The following ARHGAP30 variants were observed in gnomAD, a reference collection of about 807,000 sequenced individuals.
The protein encoded by ARHGAP30 is rho GTPase-activating protein 30.
In ARHGAP30, 23 loss-of-function variants were observed where a neutral mutation model predicts 72.0. The observed-to-expected ratio is 0.32, with a 90% confidence interval of 0.23 to 0.45. ARHGAP30 has a LOEUF of 0.45. ARHGAP30 is among the 20% of genes least tolerant of loss of function. The probability of loss-of-function intolerance (pLI) is 1.00; values close to 1 mark genes in which losing one functional copy is unlikely to be tolerated. For missense variants in ARHGAP30, 1,319 were observed against 1,383.4 expected (o/e 0.95, Z 0.74); for synonymous variants, 576 against 528.2 (o/e 1.09, Z -1.24).
In ARHGAP30 at chr1:161,047,621, A is replaced by G; in HGVS notation, c.*94T>C. The G allele has an allele frequency of 7.3e-7, 1 of 1,368,194 alleles. No individual in the cohort carries two copies. The highest frequency in any genetic ancestry group is 9.8e-7 in the Non-Finnish European group (1 of 1,021,036). The allele number at this position is 1,368,194 out of a possible 1,614,324, so 84.8% of individuals were successfully genotyped here. On this transcript the variant is annotated 3_prime_UTR_variant, in exon 12 of 12. Coordinates refer to ENST00000368013, the MANE Select transcript of ARHGAP30 (RefSeq NM_001025598.2). ...GCCAAAGCCTATAGAGTTGGGCACT[A>G]CAGCTGCTCATGCTGCAGAGGAGAC...
Position 161,048,283 on chromosome 1 carries a change from CAG to C in ARHGAP30, c.2736_2737del (p.Cys913PhefsTer42), listed in dbSNP as rs1187195023. ...GCCCACGCCACCCAGGCCAAGAGAA[CAG>C]GGGCATAGACAGCCGTCTGGACTGG... is the stretch of plus-strand genomic sequence containing the variant. On this transcript the variant is annotated frameshift_variant, in exon 12 of 12. Transcript: ENST00000368013. LOFTEE classifies it high-confidence loss of function. 6.8e-6 allele frequency: 11 copies of C among 1,614,072 alleles called. No homozygotes were observed. Among genetic ancestry groups the C allele is most frequent in the African/African-American group, 2.7e-5 (2 of 74,924 alleles).
chr1:161,063,039 C>T (rs1005040336), intron 1 of ARHGAP30, among the ~76,000 whole-genome samples: 1 of 152,180 alleles, frequency 6.6e-6, no homozygotes. Context: ...TCTCGAACTC[C>T]CGACCTCAGG....
chr1:161,053,418 C>G, intron 5 of ARHGAP30, 33 bp from the exon 6 acceptor site: 1 of 1,605,552 alleles, frequency 6.2e-7, no homozygotes, highest in East Asian at 2.2e-5. Flanking sequence ...TCCCCCTCAG[C>G]CCCACCAAAC....
chr1:161,054,600 G>A, intron 4 of ARHGAP30, 23 bp downstream of exon 4: 1 of 1,612,078 alleles, frequency 6.2e-7, no homozygotes, highest in Non-Finnish European at 8.5e-7. Context: ...CAGGTTGCTG[G>A]GCAGATATGG....
At position 161,069,341 on chromosome 1, in the gene ARHGAP30, C is replaced by T. The variant is rs1396956132; in HGVS notation, c.97+187G>A. On this transcript the variant is annotated intron_variant, in intron 1 of 11. Transcript: ENST00000368013. The surrounding 1 kb of genome is among the most constrained non-coding windows in gnomAD (Gnocchi z 4.9). ...TCCCCAGAAAGTTACACAAGGGAGCCGCCCTGCCTTCTTCACTGAGCCACA... is the reference window on the plus strand; with the variant it reads ...TCCCCAGAAAGTTACACAAGGGAGCTGCCCTGCCTTCTTCACTGAGCCACA... Among the ~76,000 whole-genome samples the T allele has an allele frequency of 6.6e-6, 1 of 152,084 alleles. No individual in the cohort carries two copies.
At chr1:161,055,734 A>G (rs2102045885) in intron 3 of ARHGAP30, among the ~76,000 whole-genome samples, 1 of 151,510 alleles carries the variant, frequency 6.6e-6, no homozygotes, top group East Asian at 1.9e-4. Flanking sequence ...CAGTGAGCCA[A>G]GATTGCACCA....
rs1653041148 is a variant in ARHGAP30 at position 161,069,784 on chromosome 1, G to A, written c.-160C>T. ...AGGGTGGCCTGGGCAACGGGCAGCA[G>A]CTCCTGCCCCTGGGGCCCCGGCCAC... On this transcript the variant is annotated 5_prime_UTR_variant, in exon 1 of 12. Coordinates refer to ENST00000368013, the MANE Select transcript of ARHGAP30 (RefSeq NM_001025598.2). This position sits in a 1 kb window ranked among gnomAD's most constrained non-coding sequence, Gnocchi z 4.9. 1.4e-6 allele frequency: 1 copy of A among 694,164 alleles called. No homozygotes were observed. The highest frequency in any genetic ancestry group is 2.4e-6 in the Non-Finnish European group (1 of 418,938). 43.0% of individuals were successfully genotyped at this position (694,164 alleles called of 1,614,324 possible). A position where few individuals can be genotyped will look rare whatever the true frequency, so the allele number is the denominator to read the frequency against.
rs150721972 is a variant in ARHGAP30 at position 161,048,299 on chromosome 1, C to T, written c.2722G>A (p.Gly908Ser). 31 of 1,614,070 alleles carry T rather than the reference C, an allele frequency of 1.9e-5. No individual in the cohort carries two copies. The highest frequency in any genetic ancestry group is 9.3e-5 in the African/African-American group (7 of 74,946). The change falls in exon 12 of 12, where the codon GGC becomes AGC. Residue 908 changes from glycine (G) to serine (S), a missense_variant. Transcript: ENST00000368013. The part of the protein sequence containing the change: ...MEPEGQPSPD[G>S]CLCPCSLGLG... ...CCAAGAGAACAGGGGCATAGACAGC[C>T]GTCTGGACTGGGCTGCCCCTCAGGC...
chr1:161,052,670 TG>T lies in ARHGAP30; in HGVS notation c.791del (p.Pro264HisfsTer21). The T allele has an allele frequency of 6.2e-7, 1 of 1,613,774 alleles. No individual in the cohort carries two copies. The highest frequency in any genetic ancestry group is 8.5e-7 in the Non-Finnish European group (1 of 1,179,948). ...TGATAGTATGGTAGGGCCGCATCTG[TG>T]GGGGTCCATCGCCAGCCTGCAGTAT... ...PSILQAGDGP[P>X]QMRPYHTIIE... On this transcript the variant is annotated frameshift_variant, in exon 7 of 12. Transcript: ENST00000368013. LOFTEE classifies it high-confidence loss of function.
In ARHGAP30 at chr1:161,059,599, C is replaced by T; in HGVS notation, c.200+15G>A. ...GCCTCCTGGTCACAGAGCCCTCCCA[C>T]TCTGTTTGACTCACCGAAGCTTCTG... On this transcript the variant is annotated intron_variant, in intron 2 of 11. Coordinates refer to ENST00000368013, the MANE Select transcript of ARHGAP30 (RefSeq NM_001025598.2). 6.2e-7 allele frequency: 1 copy of T among 1,606,588 alleles called. No homozygotes were observed. The highest frequency in any genetic ancestry group is 8.5e-7 in the Non-Finnish European group (1 of 1,175,680).
At chr1:161,064,885 AGAGAGAGGAAG>A (rs1283710012) in intron 1 of ARHGAP30, among the ~76,000 whole-genome samples, 1 of 149,712 alleles carries the variant, frequency 6.7e-6, no homozygotes, top group Non-Finnish European at 1.5e-5. Context: ...AGGAGAGAAA[AGAGAGAGGAAG>A]GAAGGGAGGG....
intron 1 of ARHGAP30, among the ~76,000 whole-genome samples, chr1:161,062,451 A>G (rs1652379133): frequency 6.6e-6 from 1 of 152,036 alleles, no homozygotes; most frequent in Non-Finnish European, 1.5e-5. Flanking sequence ...ATCTTAGGCC[A>G]GGTGCGGTGG....
chr1:161,065,942 G>A (rs571909236), intron 1 of ARHGAP30, among the ~76,000 whole-genome samples: 70 of 151,106 alleles, frequency 4.6e-4, no homozygotes, highest in African/African-American at 1.7e-3. Flanking sequence ...TGTTGCCCAG[G>A]CTGGAGTGCA....
At chr1:161,061,380 G>T (rs1001244012) in intron 1 of ARHGAP30, among the ~76,000 whole-genome samples, 1 of 151,058 alleles carries the variant, frequency 6.6e-6, no homozygotes, top group Admixed American at 6.6e-5. Context: ...TGGCCAGGCT[G>T]GTCTCGTACT....
intron 1 of ARHGAP30, among the ~76,000 whole-genome samples, chr1:161,060,845 A>G (rs985802230): frequency 7.3e-5 from 11 of 150,708 alleles, no homozygotes; most frequent in Non-Finnish European, 1.6e-4. Context: ...AGAATTACAG[A>G]CGCCCGCCGC....
At chr1:161,068,447 A>G (rs1358816966) in intron 1 of ARHGAP30, among the ~76,000 whole-genome samples, 3 of 152,118 alleles carry the variant, frequency 2.0e-5, no homozygotes, top group Non-Finnish European at 2.9e-5. Flanking sequence ...CTGGGGACGC[A>G]GGGGCGGGGC....
At chr1:161,057,363 G>A (rs138987550) in intron 2 of ARHGAP30, among the ~76,000 whole-genome samples, 41 of 152,122 alleles carry the variant, frequency 2.7e-4, no homozygotes, top group African/African-American at 9.4e-4. Flanking sequence ...CAGCACCATA[G>A]GAAAGGGGGA....
At chr1:161,058,204 C>T (rs1488286666) in intron 2 of ARHGAP30, among the ~76,000 whole-genome samples, 1 of 151,556 alleles carries the variant, frequency 6.6e-6, no homozygotes, top group Non-Finnish European at 1.5e-5. Flanking sequence ...CCCAGCTACT[C>T]GGGAGGCTGA....
At position 161,069,845 on chromosome 1, in the gene ARHGAP30, C is replaced by T. The variant is rs879199879; in HGVS notation, c.-221G>A. ...CTGTTGAAGAGGAAGCTACCAGGAC[C>T]CTGGCAAGAAATTGTGTCCTGTGTC... On this transcript the variant is annotated 5_prime_UTR_variant, in exon 1 of 12. Coordinates refer to ENST00000368013, the MANE Select transcript of ARHGAP30 (RefSeq NM_001025598.2). The surrounding 1 kb of genome is among the most constrained non-coding windows in gnomAD (Gnocchi z 4.9). 3.5e-6 allele frequency: 2 copies of T among 579,370 alleles called. No homozygotes were observed. The allele number at this position is 579,370 out of a possible 1,614,324, so 35.9% of individuals were successfully genotyped here.
Sources: allele counts gnomAD v4.1 joint callset (sites outside exome capture counted in the v4.1 genomes callset), GRCh38; gene constraint gnomAD v4.1.1; non-coding constraint Gnocchi (gnomAD v3.1); transcripts MANE v1.5; gene names NCBI Gene and HGNC (gene_info 2026-07-23, HGNC 2026-07-21).